Variants in RSU1 observed in about 807,000 individuals in gnomAD.
RSU1 encodes Ras suppressor protein 1.
RSU1 carries 26 observed loss-of-function variants against 31.1 expected under a neutral mutation model. That is an observed-to-expected ratio of 0.84 (90% confidence interval 0.61 to 1.16). The LOEUF (loss-of-function observed/expected upper bound fraction) is 1.16. Among genes scored for constraint, RSU1 ranks in the 50% most tolerant of loss-of-function variants. The pLI is 0.00. For synonymous variants in RSU1, 164 were observed against 136.3 expected (o/e 1.20, Z -1.41); for missense variants, 320 against 339.1 (o/e 0.94, Z 0.44).
chr10:16,814,426 T>C (rs972327357), intron 2 of RSU1, among the ~76,000 whole-genome samples: 86 of 129,366 alleles, frequency 6.6e-4, no homozygotes, highest in African/African-American at 2.5e-3. Context: ...CCAGCCTGGG[T>C]GACAGAGCGA....
intron 8 of RSU1, among the ~76,000 whole-genome samples, chr10:16,639,615 C>T (rs993546478): frequency 2.2e-4 from 34 of 152,180 alleles, no homozygotes; most frequent in African/African-American, 8.2e-4. Flanking sequence ...CTTGATATGT[C>T]ATTTGTTGAC....
chr10:16,724,475 C>A (rs2131594015), intron 7 of RSU1, among the ~76,000 whole-genome samples: 1 of 152,286 alleles, frequency 6.6e-6, no homozygotes, highest in Middle Eastern at 3.4e-3. Context: ...AAGCATGACA[C>A]AGATTTTTCT....
At chr10:16,730,850 G>C (rs1836494801) in intron 7 of RSU1, among the ~76,000 whole-genome samples, 2 of 152,164 alleles carry the variant, frequency 1.3e-5, no homozygotes, top group Admixed American at 6.5e-5. Flanking sequence ...GCGAGACTGA[G>C]TCTCACTCTG....
chr10:16,745,852 C>T (rs1404365619), intron 7 of RSU1, among the ~76,000 whole-genome samples: 1 of 152,164 alleles, frequency 6.6e-6, no homozygotes, highest in Non-Finnish European at 1.5e-5. Context: ...ATTTAAAAAA[C>T]GTTTTAAACC....
intron 8 of RSU1, among the ~76,000 whole-genome samples, chr10:16,654,686 A>C (rs117141643): frequency 0.19 from 28,003 of 151,366 alleles, 3,224 homozygotes; most frequent in South Asian, 0.37. Flanking sequence ...AAAACAAAAA[A>C]AAAAAAAAAG....
intron 3 of RSU1, among the ~76,000 whole-genome samples, chr10:16,781,741 C>G (rs143595258): frequency 0.016 from 2,428 of 152,262 alleles, 69 homozygotes; most frequent in African/African-American, 0.056. Context: ...AATCCCAGCC[C>G]TTTGGGAGGC....
At chr10:16,674,859 T>G (rs936186041) in intron 8 of RSU1, among the ~76,000 whole-genome samples, 1 of 151,706 alleles carries the variant, frequency 6.6e-6, no homozygotes, top group African/African-American at 2.4e-5. Flanking sequence ...ACAGCGAAAC[T>G]CCATCTCTAC....
intron 7 of RSU1, among the ~76,000 whole-genome samples, chr10:16,718,484 T>C (rs998943157): frequency 9.2e-5 from 14 of 152,182 alleles, no homozygotes; most frequent in African/African-American, 3.4e-4. Flanking sequence ...AATTTTTGTT[T>C]GGTAGTAGTC....
chr10:16,766,431 C>G (rs1005341522), intron 3 of RSU1, among the ~76,000 whole-genome samples: 1 of 152,132 alleles, frequency 6.6e-6, no homozygotes, highest in Non-Finnish European at 1.5e-5. Context: ...AGAAAATCAC[C>G]AGGGCCGGGA....
intron 7 of RSU1, among the ~76,000 whole-genome samples, chr10:16,718,110 A>AAAAG (rs1554768713): frequency 6.6e-6 from 1 of 150,872 alleles, no homozygotes. Flanking sequence ...AAAAAAAAAA[A>AAAAG]AAAGAAAGAA....
intron 8 of RSU1, among the ~76,000 whole-genome samples, chr10:16,634,338 G>A (rs1187766817): frequency 6.6e-6 from 1 of 152,160 alleles, no homozygotes; most frequent in Non-Finnish European, 1.5e-5. Flanking sequence ...GTTTTGTTAC[G>A]CTGGCTTCAA....
chr10:16,679,247 T>C (rs1453440381), intron 8 of RSU1, among the ~76,000 whole-genome samples: 2 of 152,178 alleles, frequency 1.3e-5, no homozygotes, highest in Admixed American at 1.3e-4. Context: ...GGGGATGTCA[T>C]GTGCAAAGCC....
intron 8 of RSU1, among the ~76,000 whole-genome samples, chr10:16,627,704 C>T (rs915841722): frequency 1.3e-5 from 2 of 149,514 alleles, no homozygotes; most frequent in Non-Finnish European, 1.5e-5. Flanking sequence ...TTGCAGTGAG[C>T]CAAGATTGCG....
chr10:16,726,777 T>C (rs1304436352), intron 7 of RSU1, among the ~76,000 whole-genome samples: 1 of 152,114 alleles, frequency 6.6e-6, no homozygotes, highest in African/African-American at 2.4e-5. Flanking sequence ...ACCACCCTCC[T>C]ACTCTACCTC....
chr10:16,748,924 CTTCT>C (rs759388760), intron 7 of RSU1, among the ~76,000 whole-genome samples: 36 of 150,282 alleles, frequency 2.4e-4, no homozygotes, highest in Admixed American at 9.2e-4. Flanking sequence ...CTCTCTCTTT[CTTCT>C]GTCTTCTCCC....
intron 8 of RSU1, among the ~76,000 whole-genome samples, chr10:16,661,980 T>A (rs1834899150): frequency 6.6e-6 from 1 of 152,246 alleles, no homozygotes; most frequent in Non-Finnish European, 1.5e-5. Context: ...TGAGAAGGTT[T>A]TCAGAATATC....
intron 7 of RSU1, among the ~76,000 whole-genome samples, chr10:16,695,866 A>C (rs1433017502): frequency 1.3e-5 from 2 of 152,170 alleles, no homozygotes; most frequent in African/African-American, 2.4e-5. Flanking sequence ...AATCTCATAC[A>C]CCTTCTACAG....
chr10:16,634,554 T>C (rs1448280819), intron 8 of RSU1, among the ~76,000 whole-genome samples: 1 of 152,258 alleles, frequency 6.6e-6, no homozygotes, highest in Non-Finnish European at 1.5e-5. Flanking sequence ...ATATACTTTG[T>C]AGCAGCCTCA....
intron 8 of RSU1, among the ~76,000 whole-genome samples, chr10:16,632,536 C>A (rs1294038856): frequency 2.0e-5 from 3 of 152,192 alleles, no homozygotes; most frequent in African/African-American, 4.8e-5. Context: ...AGCTGGCAAA[C>A]TGCAGTGCCC....
Sources: gnomAD v4.1 joint callset for allele counts (sites outside exome capture counted in the v4.1 genomes callset) on GRCh38, gnomAD v4.1.1 for gene constraint, MANE v1.5 for transcripts, NCBI Gene and HGNC (gene_info 2026-07-23, HGNC 2026-07-21) for gene names.